Variants in PCSK4 observed in about 807,000 individuals in gnomAD.
PCSK4 encodes proprotein convertase subtilisin/kexin type 4.
Under a neutral mutation model 80.3 loss-of-function variants are expected in PCSK4, and 64 were observed. The ratio of observed to expected loss-of-function variants is 0.80; its 90% CI spans 0.65 to 0.98. PCSK4 has a LOEUF of 0.98. Ranked by LOEUF, PCSK4 falls within the 50% of genes least tolerant of loss-of-function variation. The pLI is 0.00. For synonymous variants in PCSK4, 561 were observed against 487.6 expected (o/e 1.15, Z -1.98); for missense variants, 1,213 against 1,093.6 (o/e 1.11, Z -1.54).
exon 15 of PCSK4, chr19:1,481,626 G>C (rs554715722): frequency 1.8e-6 from 1 of 559,694 alleles, no homozygotes; most frequent in Non-Finnish European, 3.0e-6. Context: ...GGGGTTCCAC[G>C]GGGCCCATCC....
rs771581920 is a variant in PCSK4, at chr19:1,489,826, C to G, written c.261G>C (p.Trp87Cys). 4 of 1,610,378 alleles carry G rather than the reference C, an allele frequency of 2.5e-6. No individual in the cohort carries two copies. The Admixed American group carries it at 5.0e-5, about 20-fold the overall frequency. The change falls in exon 2 of 15, where the codon TGG becomes TGC. Residue 87 changes from tryptophan (W) to cysteine (C), a missense_variant. Coordinates refer to ENST00000300954, the Ensembl canonical transcript of PCSK4. Reference sequence around the variant, plus strand: ...TTTTCTTCAGGTGCAGGCGGTGGCCCCAGTGCGGGGTCAGGGACTGCTGGA... The same window carrying G: ...TTTTCTTCAGGTGCAGGCGGTGGCCGCAGTGCGGGGTCAGGGACTGCTGGA...
exon 7 of PCSK4, chr19:1,487,196 G>T: frequency 1.2e-6 from 2 of 1,608,026 alleles, no homozygotes; most frequent in Non-Finnish European, 1.7e-6. Context: ...GCCGTCCACC[G>T]TGCGGCCGTC....
At chr19:1,485,858 C>G (rs1440609817) in intron 8 of PCSK4, among the ~76,000 whole-genome samples, 2 of 152,058 alleles carry the variant, frequency 1.3e-5, no homozygotes, top group African/African-American at 4.8e-5. Context: ...ACGACAGAGC[C>G]AGACTCCATC....
Position 1,487,123 on chromosome 19 carries a change from C to G in PCSK4, c.855+18G>C. 1.2e-6 allele frequency: 2 copies of G among 1,602,750 alleles called. No individual in the cohort carries two copies. The highest frequency in any genetic ancestry group is 1.7e-6 in the Non-Finnish European group (2 of 1,177,642). On this transcript the variant is annotated intron_variant, in intron 7 of 14. Coordinates refer to ENST00000300954, the Ensembl canonical transcript of PCSK4. ...CGGCCTGGCCTGCCACCCCTGCCCTCCTCGGGCTGCCACTCACCTTGGTCA... is the reference window on the plus strand; with the variant it reads ...CGGCCTGGCCTGCCACCCCTGCCCTGCTCGGGCTGCCACTCACCTTGGTCA...
exon 6 of PCSK4, chr19:1,487,625 G>A (rs763827972): frequency 2.9e-5 from 45 of 1,552,734 alleles, no homozygotes; most frequent in Admixed American, 1.6e-4. Flanking sequence ...CGTTGAAAGC[G>A]ACCCCCACAC....
At chr19:1,487,939 C>T (rs767238396) in intron 4 of PCSK4, 25 bp downstream of exon 4, 46 of 1,596,922 alleles carry the variant, frequency 2.9e-5, no homozygotes, top group South Asian at 6.7e-5. Context: ...GGGCAGCCCT[C>T]GCCCACAGCC....
At chr19:1,481,590 T>C in exon 15 of PCSK4, 1 of 485,346 alleles carries the variant, frequency 2.1e-6, no homozygotes, top group Non-Finnish European at 3.6e-6. Context: ...AGGAGACTTC[T>C]CTCTCTCTCT....
exon 8 of PCSK4, chr19:1,486,977 T>G (rs781346876): frequency 3.7e-6 from 6 of 1,609,700 alleles, no homozygotes; most frequent in Admixed American, 1.7e-5. Flanking sequence ...GTGGATGCTG[T>G]TGGTGTAGCC....
chr19:1,486,452 A>T (rs940094142), intron 8 of PCSK4, among the ~76,000 whole-genome samples: 4 of 150,364 alleles, frequency 2.7e-5, no homozygotes, highest in African/African-American at 9.8e-5. Flanking sequence ...GCCCACCACC[A>T]CGCCCGGCTA....
At chr19:1,482,765 G>A (rs1202909012) in intron 13 of PCSK4, 131 bp downstream of exon 13, 2 of 984,424 alleles carry the variant, frequency 2.0e-6, no homozygotes, top group East Asian at 2.5e-5. Context: ...CACGCCTACT[G>A]TGTGCATGTT....
intron 13 of PCSK4, 134 bp from the exon 14 acceptor site, chr19:1,482,609 A>G: frequency 8.8e-7 from 1 of 1,138,118 alleles, no homozygotes; most frequent in Non-Finnish European, 1.2e-6. Flanking sequence ...AGGGAATTGC[A>G]CACCTACTGT....
exon 12 of PCSK4, chr19:1,483,384 G>T (rs779955096): frequency 6.2e-7 from 1 of 1,606,152 alleles, no homozygotes; most frequent in South Asian, 1.1e-5. Flanking sequence ...GCCTGCACGT[G>T]CTCCAGCGAG....
chr19:1,487,062 G>A (rs756315905), exon 8 of PCSK4: 15 of 1,605,228 alleles, frequency 9.3e-6, no homozygotes, highest in African/African-American at 2.7e-5. Context: ...AGCCCGCCGC[G>A]GCCCTGGGAA....
intron 1 of PCSK4, 91 bp downstream of exon 1, chr19:1,490,067 A>G: frequency 6.5e-7 from 1 of 1,541,304 alleles, no homozygotes; most frequent in Non-Finnish European, 8.8e-7. Flanking sequence ...GATATTTAGA[A>G]GACCTTGTGG....
exon 12 of PCSK4, chr19:1,483,365 G>T: frequency 6.2e-7 from 1 of 1,608,914 alleles, no homozygotes. Context: ...GTAGGACAGC[G>T]TCAGCTGCGC....
At chr19:1,481,550 A>C in exon 15 of PCSK4, 1 of 442,852 alleles carries the variant, frequency 2.3e-6, no homozygotes, top group Admixed American at 3.8e-5. Context: ...CTCTCCCCCC[A>C]GCCCACTCCC....
intron 11 of PCSK4, 90 bp downstream of exon 11, chr19:1,483,560 G>A (rs1029052093): frequency 2.8e-5 from 40 of 1,415,464 alleles, no homozygotes; most frequent in Non-Finnish European, 5.8e-6. Flanking sequence ...ACGGGGTCCA[G>A]CCCTCGTTTT....
chr19:1,487,640 G>T, exon 6 of PCSK4: 1 of 1,554,636 alleles, frequency 6.4e-7, no homozygotes, highest in Non-Finnish European at 8.7e-7. Context: ...CCACACCACA[G>T]AAGCCATTGT....
At chr19:1,483,792 C>CGCCCCGTGG (rs1419532682) in intron 10 of PCSK4, 25 bp from the exon 11 acceptor site, 2 of 1,540,276 alleles carry the variant, frequency 1.3e-6, no homozygotes, top group Non-Finnish European at 1.7e-6. Context: ...AGCAGTCACT[C>CGCCCCGTGG]GCCCCGTGGG....
Sources: gnomAD v4.1 joint callset for allele counts (sites outside exome capture counted in the v4.1 genomes callset) on GRCh38, gnomAD v4.1.1 for gene constraint, MANE v1.5 for transcripts, NCBI Gene and HGNC (gene_info 2026-07-23, HGNC 2026-07-21) for gene names.